The following TARBP1 variants were observed in gnomAD, a reference collection of about 807,000 sequenced individuals.
TARBP1 encodes tRNA (guanosine(18)-2'-O)-methyltransferase TARBP1.
A neutral mutation model predicts 178.6 loss-of-function variants in TARBP1; 144 were observed. That is an observed-to-expected ratio of 0.81 (90% CI 0.70 to 0.93). TARBP1 has a LOEUF of 0.93. Among genes scored for constraint, TARBP1 ranks in the 40% least tolerant of loss-of-function variants. TARBP1 has a pLI of 0.00. For synonymous variants in TARBP1, 787 were observed against 781.0 expected (o/e 1.01, Z -0.13); for missense variants, 2,067 against 2,011.7 (o/e 1.03, Z -0.53).
At chr1:234,474,309 A>G in intron 1 of TARBP1, among the ~76,000 whole-genome samples, 1 of 151,932 alleles carries the variant, frequency 6.6e-6, no homozygotes. Context: ...TTAAAAAAAA[A>G]AACTCAATCC....
At chr1:234,461,030 G>A (rs766905145) in intron 6 of TARBP1, among the ~76,000 whole-genome samples, 5 of 152,140 alleles carry the variant, frequency 3.3e-5, no homozygotes, top group Non-Finnish European at 5.9e-5. Context: ...CAGGAGCTAT[G>A]GGTAGAAGAG....
rs1305353397 is a variant in TARBP1, at chr1:234,427,309, A to G, written c.3323+8T>C. ...TATGTGAAGACAGAGAAAATCTACC[A>G]TACTTACTTTTCCATAACAATATTT... On this transcript the variant is annotated splice_region_variant and intron_variant, in intron 19 of 29. Transcript: ENST00000040877. The G allele has an allele frequency of 1.9e-6, 3 of 1,600,416 alleles. No homozygotes were observed. Among genetic ancestry groups the G allele is most frequent in the Admixed American group, 3.4e-5 (2 of 59,200 alleles).
Position 234,463,708 on chromosome 1 carries a change from T to C in TARBP1, c.1399+129A>G, listed in dbSNP as rs1053090111. On this transcript the variant is annotated intron_variant, in intron 6 of 29. Coordinates refer to ENST00000040877, the MANE Select transcript of TARBP1 (RefSeq NM_005646.4). ...CTGTATAATTCTGAGAAAATATGCA[T>C]ATCCTGGAAAAGGAAACCATTTTGA... is the stretch of plus-strand genomic sequence containing the variant. The C allele has an allele frequency of 5.8e-6, 3 of 513,786 alleles. No homozygotes were observed. The African/African-American group carries it at 6.0e-5, about 10-fold the overall frequency. 31.8% of individuals were successfully genotyped at this position (513,786 alleles called of 1,614,324 possible).
chr1:234,441,002 G>A (rs935925103), intron 12 of TARBP1, among the ~76,000 whole-genome samples: 46 of 152,176 alleles, frequency 3.0e-4, no homozygotes, highest in African/African-American at 9.9e-4. Flanking sequence ...TGGACAACAC[G>A]GCAAAACCCC....
chr1:234,472,029 G>A (rs911205501), intron 2 of TARBP1, among the ~76,000 whole-genome samples: 2 of 152,056 alleles, frequency 1.3e-5, no homozygotes, highest in Non-Finnish European at 2.9e-5. Flanking sequence ...TATCACCTGG[G>A]AACTTGTAAA....
At chr1:234,398,835 T>C (rs942421348) in intron 25 of TARBP1, among the ~76,000 whole-genome samples, 2 of 152,176 alleles carry the variant, frequency 1.3e-5, no homozygotes, top group Admixed American at 1.3e-4. Context: ...ATAAAAACAG[T>C]GTTTCAGAAG....
At chr1:234,458,888 C>T (rs1247665562) in intron 8 of TARBP1, among the ~76,000 whole-genome samples, 1 of 152,158 alleles carries the variant, frequency 6.6e-6, no homozygotes, top group Non-Finnish European at 1.5e-5. Context: ...TTTCCTGGGA[C>T]GTGGTCATGC....
rs761223067 is a variant in TARBP1, at chr1:234,429,546, A to AT, written c.2740dup (p.Ile914AsnfsTer29). 12 of 1,614,062 alleles carry AT rather than the reference A, an allele frequency of 7.4e-6. No individual in the cohort carries two copies. The highest frequency in any genetic ancestry group is 1.0e-5 in the Non-Finnish European group (12 of 1,180,044). Reference sequence around the variant, plus strand: ...AACGGCAGGTAGAAACGGTTCCAGAATTTCACTCCCTGTGGTTGGTATAAG... The same window carrying AT: ...AACGGCAGGTAGAAACGGTTCCAGAATTTTCACTCCCTGTGGTTGGTATAAG... On this transcript the variant is annotated frameshift_variant, in exon 16 of 30. Transcript: ENST00000040877. LOFTEE classifies it high-confidence loss of function.
chr1:234,405,851 T>G lies in TARBP1; in HGVS notation c.3989+52A>C, dbSNP rs1252145041. 11 of 1,533,290 alleles carry G rather than the reference T, an allele frequency of 7.2e-6. No individual in the cohort carries two copies. In the East Asian group the frequency reaches 2.2e-4, roughly 31 times the overall value. The allele number at this position is 1,533,290 out of a possible 1,614,324, so 95.0% of individuals were successfully genotyped here. A position where few individuals can be genotyped will look rare whatever the true frequency, so the allele number is the denominator to read the frequency against. ...CAGTATGGGCACTGCCCCCTCCCTG[T>G]GGGCCCTGCTGGAGGAGAGTGAGGG... is the stretch of plus-strand genomic sequence containing the variant. On this transcript the variant is annotated intron_variant, in intron 24 of 29. Coordinates refer to ENST00000040877, the MANE Select transcript of TARBP1 (RefSeq NM_005646.4).
In TARBP1 at chr1:234,391,590, T is replaced by A; in HGVS notation, c.4853A>T (p.Asp1618Val). 6.2e-7 allele frequency: 1 copy of A among 1,609,702 alleles called. No homozygotes were observed. The highest frequency in any genetic ancestry group is 2.2e-5 in the East Asian group (1 of 44,782). The part of the protein sequence containing the change: ...YTRQQLLSHG[D>V]TKP ...AAGGAAGGCACATCATGGCTTGGTATCTCCGTGCGAGAGCAGCTGCTGCCT... is the reference window on the plus strand; with the variant it reads ...AAGGAAGGCACATCATGGCTTGGTAACTCCGTGCGAGAGCAGCTGCTGCCT... The change falls in exon 30 of 30, where the codon GAT becomes GTT. Residue 1618 changes from aspartate (D) to valine (V), a missense_variant. Transcript: ENST00000040877.
chr1:234,403,599 C>T (rs1660915760), intron 24 of TARBP1, among the ~76,000 whole-genome samples: 1 of 152,198 alleles, frequency 6.6e-6, no homozygotes, highest in African/African-American at 2.4e-5. Context: ...GCCCCAGCAC[C>T]TGGCCTTGTG....
At chr1:234,399,868 C>T (rs1397647060) in intron 25 of TARBP1, among the ~76,000 whole-genome samples, 3 of 121,030 alleles carry the variant, frequency 2.5e-5, no homozygotes, top group African/African-American at 6.6e-5. Context: ...GGGAACATTA[C>T]ACTCTGGGGA....
chr1:234,469,978 G>C (rs1055967368), intron 3 of TARBP1, among the ~76,000 whole-genome samples: 7 of 152,148 alleles, frequency 4.6e-5, no homozygotes, highest in African/African-American at 1.4e-4. Context: ...ACCAAAGAGT[G>C]ATTATTGGCC....
intron 9 of TARBP1, among the ~76,000 whole-genome samples, chr1:234,450,822 G>T (rs1281024271): frequency 6.6e-6 from 1 of 152,078 alleles, no homozygotes; most frequent in Non-Finnish European, 1.5e-5. Context: ...ACACATATGT[G>T]TGTGTGTGTG....
At chr1:234,434,390 C>T (rs1446554970) in intron 13 of TARBP1, among the ~76,000 whole-genome samples, 1 of 152,174 alleles carries the variant, frequency 6.6e-6, no homozygotes, top group African/African-American at 2.4e-5. Flanking sequence ...TACTGAGCAA[C>T]CACTGGACGC....
chr1:234,448,099 C>T lies in TARBP1; in HGVS notation c.1961+381G>A, dbSNP rs557557976. On this transcript the variant is annotated intron_variant, in intron 11 of 29. Coordinates refer to ENST00000040877, the MANE Select transcript of TARBP1 (RefSeq NM_005646.4). ...GACTACAGACGTGCACCACCACGCC[C>T]GGCTGATTTTTGTATTTTTAGTAGA... Among the ~76,000 whole-genome samples, 271 of 152,226 alleles carry T rather than the reference C, an allele frequency of 1.8e-3. 2 individuals carry two copies. Among genetic ancestry groups the T allele is most frequent in the Non-Finnish European group, 3.1e-3 (211 of 68,014 alleles).
chr1:234,412,665 G>T (rs956133018), intron 22 of TARBP1, among the ~76,000 whole-genome samples: 3 of 152,004 alleles, frequency 2.0e-5, no homozygotes, highest in Admixed American at 2.0e-4. Flanking sequence ...AATAAATAAA[G>T]AAGACACATG....
At chr1:234,469,132 G>A (rs1418331841) in intron 3 of TARBP1, among the ~76,000 whole-genome samples, 1 of 134,226 alleles carries the variant, frequency 7.5e-6, no homozygotes, top group African/African-American at 2.8e-5. Context: ...CTAATAGCAT[G>A]TACTGGACAC....
chr1:234,415,283 G>A (rs993482497), intron 22 of TARBP1, among the ~76,000 whole-genome samples: 4 of 152,184 alleles, frequency 2.6e-5, no homozygotes, highest in Non-Finnish European at 5.9e-5. Context: ...TCTGGCACTG[G>A]AGAAGATTCT....
Sources: gnomAD v4.1 joint callset for allele counts (sites outside exome capture counted in the v4.1 genomes callset) on GRCh38, gnomAD v4.1.1 for gene constraint, MANE v1.5 for transcripts, NCBI Gene and HGNC (gene_info 2026-07-23, HGNC 2026-07-21) for gene names.